Variants in FKBP15 observed in about 807,000 individuals in gnomAD.
FKBP15 encodes the protein FKBP prolyl isomerase family member 15, also known as FK506-binding protein 15.
Under a neutral mutation model 158.1 loss-of-function variants are expected in FKBP15, and 106 were observed. The ratio of observed to expected loss-of-function variants is 0.67; its 90% confidence interval spans 0.57 to 0.79. The LOEUF (loss-of-function observed/expected upper bound fraction) is 0.79, where lower values mean the gene tolerates loss of function less well. FKBP15 is among the 30% of genes least tolerant of loss of function. The pLI is 0.00. For missense variants in FKBP15, 1,287 were observed against 1,479.1 expected (o/e 0.87, Z 2.13); for synonymous variants, 547 against 548.6 (o/e 1.00, Z 0.04).
rs1254095253 is a variant in FKBP15, at chr9:113,166,091, T to C, written c.3647A>G (p.Asp1216Gly). ...TTTCCTGGGTCTTCATCCCAGCCAG[T>C]CAATGTCATCGTCATCATCATCATC... The part of the protein sequence containing the change: ...FGDDDDDDDI[D>G]WLG Residue 1216 changes from aspartate to glycine, a missense_variant, in exon 28 of 28, where the codon GAC becomes GGC. Transcript: ENST00000238256. The C allele has an allele frequency of 8.1e-6, 13 of 1,613,380 alleles. No homozygotes were observed. Among genetic ancestry groups the C allele is most frequent in the Non-Finnish European group, 1.1e-5 (13 of 1,179,752 alleles).
chr9:113,219,576 C>T (rs1374879225), intron 1 of FKBP15, among the ~76,000 whole-genome samples: 2 of 152,142 alleles, frequency 1.3e-5, no homozygotes, highest in Non-Finnish European at 2.9e-5. Context: ...TCTAGGAGCA[C>T]AGTCACATGC....
chr9:113,162,870 T>C lies in FKBP15; in HGVS notation c.*3208A>G, dbSNP rs1198716492. 9 of 1,613,092 alleles carry C rather than the reference T, an allele frequency of 5.6e-6. No homozygotes were observed. Among genetic ancestry groups the C allele is most frequent in the Non-Finnish European group, 7.6e-6 (9 of 1,179,686 alleles). On this transcript the variant is annotated 3_prime_UTR_variant, in exon 28 of 28. Transcript: ENST00000238256. ...GATTTTCCTTGGTGTGGTCTTGGGC[T>C]CTGCTGTGGGCTACTACCTAGCTTA... is the stretch of plus-strand genomic sequence containing the variant.
At chr9:113,201,634 T>C (rs368314704) in intron 6 of FKBP15, among the ~76,000 whole-genome samples, 1 of 152,146 alleles carries the variant, frequency 6.6e-6, no homozygotes, top group East Asian at 1.9e-4. Context: ...AAGAAGAAGA[T>C]AGTCTGCAAC....
At position 113,162,766 on chromosome 9, in the gene FKBP15, T is replaced by G. The variant is rs1830035177; in HGVS notation, c.*3312A>C. ...TTATCTAGGTGGTATTTGTGTCACT[T>G]TGGCCAGTCTCTAATCCATGTCATC... On this transcript the variant is annotated 3_prime_UTR_variant, in exon 28 of 28. Transcript: ENST00000238256. 1.9e-6 allele frequency: 3 copies of G among 1,613,128 alleles called. No homozygotes were observed. The highest frequency in any genetic ancestry group is 2.5e-6 in the Non-Finnish European group (3 of 1,179,472).
chr9:113,171,543 T>C, intron 24 of FKBP15, 38 bp downstream of exon 24: 1 of 1,595,818 alleles, frequency 6.3e-7, no homozygotes, highest in Non-Finnish European at 8.5e-7. Flanking sequence ...GAATGCTTGA[T>C]ATAAATGGCT....
rs944199667 is a variant in FKBP15, at chr9:113,184,332, T to G, written c.1676A>C (p.Glu559Ala). ...GATGTTGCTCATAATCATGCTTGTTTCCATTGTAACTGACATGCTAGGAAT... is the reference window on the plus strand; with the variant it reads ...GATGTTGCTCATAATCATGCTTGTTGCCATTGTAACTGACATGCTAGGAAT... ...MLIPSMSVTM[E>A]TSMIMSNIQR... The change falls in exon 17 of 28, where the codon GAA becomes GCA. Residue 559 changes from glutamate (E) to alanine (A), a missense_variant. Transcript: ENST00000238256. The surrounding 1 kb of genome is among the most constrained non-coding windows in gnomAD (Gnocchi z 4.5). 3 of 1,605,926 alleles carry G rather than the reference T, an allele frequency of 1.9e-6. No homozygotes were observed. In the African/African-American group the frequency reaches 4.0e-5, roughly 21 times the overall value.
chr9:113,161,446 A>T lies in FKBP15; in HGVS notation c.*4632T>A, dbSNP rs1320626243. On this transcript the variant is annotated 3_prime_UTR_variant, in exon 28 of 28. Coordinates refer to ENST00000238256, the MANE Select transcript of FKBP15 (RefSeq NM_015258.2). ...TGGAGTGGATTCCATGAACAGGTGG[A>T]GGTGCTGGAAGGGAAACAGTGCTGG... The T allele has an allele frequency of 9.1e-6, 13 of 1,427,330 alleles. No individual in the cohort carries two copies. The highest frequency in any genetic ancestry group is 1.2e-5 in the Non-Finnish European group (12 of 1,017,798). The allele number at this position is 1,427,330 out of a possible 1,614,324, so 88.4% of individuals were successfully genotyped here. A position where few individuals can be genotyped will look rare whatever the true frequency, so the allele number is the denominator to read the frequency against.
chr9:113,211,042 T>C (rs1830990575), intron 2 of FKBP15, among the ~76,000 whole-genome samples: 1 of 152,242 alleles, frequency 6.6e-6, no homozygotes, highest in African/African-American at 2.4e-5. Context: ...AGACAGCCTA[T>C]CATGGGGCTT....
At chr9:113,191,318 G>A (rs914393797) in intron 11 of FKBP15, among the ~76,000 whole-genome samples, 2 of 151,822 alleles carry the variant, frequency 1.3e-5, no homozygotes, top group African/African-American at 2.4e-5. Flanking sequence ...GACCACAGGC[G>A]CTAATTTTTT....
In FKBP15 at chr9:113,188,489, A is replaced by G; in HGVS notation, c.1176T>C (p.Asp392=). 6.2e-7 allele frequency: 1 copy of G among 1,613,552 alleles called. No individual in the cohort carries two copies. Among genetic ancestry groups the G allele is most frequent in the South Asian group, 1.1e-5 (1 of 91,078 alleles). Residue 392 remains aspartate, a splice_region_variant and synonymous_variant, in exon 13 of 28, where the codon GAT becomes GAC. Transcript: ENST00000238256. ...GCCCACCTCCTTGCAGAGTGTTCACATCCTGAAACAGGAACAAGCGTTTGG... is the reference window on the plus strand; with the variant it reads ...GCCCACCTCCTTGCAGAGTGTTCACGTCCTGAAACAGGAACAAGCGTTTGG... ...QLDSNDSEIE[D]VNTLQGGGQP... is the part of the protein sequence containing the mutation.
At chr9:113,186,522 C>T in intron 14 of FKBP15, 159 bp from the exon 15 acceptor site, 5 of 612,998 alleles carry the variant, frequency 8.2e-6, no homozygotes, top group Admixed American at 5.4e-5. Flanking sequence ...TTGGTAAGGA[C>T]TGCAGCAGGA....
chr9:113,162,580 TG>T lies in FKBP15; in HGVS notation c.*3497del. The T allele has an allele frequency of 2.7e-6, 1 of 376,976 alleles. No individual in the cohort carries two copies. The highest frequency in any genetic ancestry group is 4.2e-6 in the Non-Finnish European group (1 of 239,996). The allele number at this position is 376,976 out of a possible 1,614,324, so 23.4% of individuals were successfully genotyped here. A position where few individuals can be genotyped will look rare whatever the true frequency, so the allele number is the denominator to read the frequency against. On this transcript the variant is annotated 3_prime_UTR_variant, in exon 28 of 28. Coordinates refer to ENST00000238256, the MANE Select transcript of FKBP15 (RefSeq NM_015258.2). ...TTAAAAATAAATCTCGAGTTTTTTC[TG>T]GGGGCGGGGGTGGGAGGGGCAGAAA...
At chr9:113,168,416 C>T (rs1156748123) in intron 27 of FKBP15, 44 bp downstream of exon 27, 2 of 1,535,200 alleles carry the variant, frequency 1.3e-6, no homozygotes, top group Non-Finnish European at 1.8e-6. Flanking sequence ...GAAGAGCCCC[C>T]AGGTGGGTGT....
chr9:113,215,752 C>T (rs1170167033), intron 1 of FKBP15, among the ~76,000 whole-genome samples: 6 of 146,802 alleles, frequency 4.1e-5, no homozygotes, highest in Non-Finnish European at 8.9e-5. Context: ...TGGGTTCAAG[C>T]GATTCACATG....
chr9:113,219,072 T>C (rs1020756719), intron 1 of FKBP15, among the ~76,000 whole-genome samples: 1 of 152,226 alleles, frequency 6.6e-6, no homozygotes, highest in African/African-American at 2.4e-5. Context: ...TATTCCTATC[T>C]GGATTAGCTG....
intron 17 of FKBP15, 121 bp from the exon 18 acceptor site, chr9:113,183,966 C>T: frequency 1.4e-6 from 1 of 710,362 alleles, no homozygotes; most frequent in Admixed American, 2.4e-5. Context: ...AACACTAGAA[C>T]TTATGTCCAC....
intron 18 of FKBP15, 116 bp from the exon 19 acceptor site, chr9:113,182,984 A>C (rs1830426974): frequency 1.2e-6 from 1 of 831,188 alleles, no homozygotes. Flanking sequence ...TGTCAAAAGC[A>C]ATTTGAAAGC....
At chr9:113,176,480 G>T in intron 21 of FKBP15, 57 bp downstream of exon 21, 1 of 1,508,150 alleles carries the variant, frequency 6.6e-7, no homozygotes, top group South Asian at 1.3e-5. Context: ...TTTGTAAAAG[G>T]AAAATAAAAA....
At chr9:113,215,359 C>T (rs1254000410) in intron 1 of FKBP15, among the ~76,000 whole-genome samples, 1 of 147,952 alleles carries the variant, frequency 6.8e-6, no homozygotes, top group African/African-American at 2.5e-5. Context: ...TATAGGTAGG[C>T]TCAAGAAGAG....
Sources: gnomAD v4.1 joint callset for allele counts (sites outside exome capture counted in the v4.1 genomes callset) on GRCh38, gnomAD v4.1.1 for gene constraint, Gnocchi (gnomAD v3.1) non-coding constraint, MANE v1.5 for transcripts, NCBI Gene and HGNC (gene_info 2026-07-23, HGNC 2026-07-21) for gene names.